The following CCDC170 variants were observed in gnomAD, a reference collection of about 807,000 sequenced individuals.
CCDC170 encodes coiled-coil domain-containing protein 170.
A neutral mutation model predicts 72.6 loss-of-function variants in CCDC170; 69 were observed. The ratio of observed to expected loss-of-function variants is 0.95; its 90% confidence interval spans 0.78 to 1.16. CCDC170 has a LOEUF of 1.16. Among genes scored for constraint, CCDC170 ranks in the 50% most tolerant of loss-of-function variants. The pLI is 0.00. For synonymous variants in CCDC170, 300 were observed against 303.9 expected, an observed-to-expected ratio of 0.99 and a Z score of 0.13; for missense variants, 852 against 832.5, an observed-to-expected ratio of 1.02 and a Z score of -0.29.
At chr6:151,520,230 C>T (rs1362174560) in intron 1 of CCDC170, among the ~76,000 whole-genome samples, 1 of 152,200 alleles carries the variant, frequency 6.6e-6, no homozygotes, top group African/African-American at 2.4e-5. Context: ...TATTCCTTCC[C>T]CTTGTGATAA....
intron 7 of CCDC170, among the ~76,000 whole-genome samples, chr6:151,589,127 T>G (rs1430017642): frequency 6.6e-6 from 1 of 151,922 alleles, no homozygotes; most frequent in Non-Finnish European, 1.5e-5. Flanking sequence ...TGGTGGTGTG[T>G]GCCTGTAATC....
chr6:151,534,213 T>C (rs1176763838), intron 1 of CCDC170, among the ~76,000 whole-genome samples: 1 of 151,792 alleles, frequency 6.6e-6, no homozygotes, highest in Non-Finnish European at 1.5e-5. Flanking sequence ...AACAGGAACA[T>C]GCCACCACGC....
chr6:151,607,859 G>T (rs1776809872), intron 9 of CCDC170, among the ~76,000 whole-genome samples: 1 of 152,130 alleles, frequency 6.6e-6, no homozygotes, highest in African/African-American at 2.4e-5. Context: ...TGAGCTTCCT[G>T]TCTCTGTCTG....
intron 1 of CCDC170, among the ~76,000 whole-genome samples, chr6:151,535,398 G>T (rs1782559496): frequency 6.6e-6 from 1 of 152,140 alleles, no homozygotes; most frequent in East Asian, 1.9e-4. Context: ...CGTCTCACAT[G>T]TTCATTTCAG....
chr6:151,525,335 G>A (rs564230404), intron 1 of CCDC170, among the ~76,000 whole-genome samples: 7 of 152,270 alleles, frequency 4.6e-5, no homozygotes, highest in South Asian at 2.1e-4. Flanking sequence ...TGACCTGCAC[G>A]TATACATCCA....
At chr6:151,576,891 G>A (rs1345271124) in intron 6 of CCDC170, among the ~76,000 whole-genome samples, 2 of 152,256 alleles carry the variant, frequency 1.3e-5, no homozygotes, top group South Asian at 2.1e-4. Context: ...AAGGCTCCAC[G>A]GCGGGTTCAG....
chr6:151,524,894 A>G (rs1782376912), intron 1 of CCDC170, among the ~76,000 whole-genome samples: 1 of 144,652 alleles, frequency 6.9e-6, no homozygotes, highest in Non-Finnish European at 1.5e-5. Flanking sequence ...AGATCTATTT[A>G]TCTCCAAATA....
At chr6:151,521,985 CAAAAAAAAAAAA>C (rs34730093) in intron 1 of CCDC170, among the ~76,000 whole-genome samples, 7 of 78,294 alleles carry the variant, frequency 8.9e-5, no homozygotes, top group Non-Finnish European at 1.3e-4. Context: ...GACTCTGTCT[CAAAAAAAAAAAA>C]AAAAAAAAAA....
intron 5 of CCDC170, among the ~76,000 whole-genome samples, chr6:151,565,279 C>T (rs1776114596): frequency 6.6e-6 from 1 of 152,208 alleles, no homozygotes; most frequent in Non-Finnish European, 1.5e-5. Context: ...CTGCCTAGGA[C>T]TCAGGGTGGT....
intron 5 of CCDC170, among the ~76,000 whole-genome samples, chr6:151,572,842 T>G (rs1776243509): frequency 6.6e-6 from 1 of 151,554 alleles, no homozygotes; most frequent in Admixed American, 6.6e-5. Flanking sequence ...TTAGTAGAGG[T>G]GGGGTTTCAC....
intron 1 of CCDC170, among the ~76,000 whole-genome samples, chr6:151,527,274 T>A (rs1013195631): frequency 1.3e-5 from 2 of 152,032 alleles, no homozygotes; most frequent in Non-Finnish European, 2.9e-5. Context: ...AACAATATGA[T>A]CAGTTTTTTC....
At chr6:151,509,218 C>T (rs199905923) in intron 1 of CCDC170, among the ~76,000 whole-genome samples, 1 of 113,920 alleles carries the variant, frequency 8.8e-6, no homozygotes, top group Admixed American at 8.3e-5. Flanking sequence ...ATCTATCTAT[C>T]TATGTATCTA....
chr6:151,617,605 C>A (rs935788072), intron 10 of CCDC170, among the ~76,000 whole-genome samples: 1 of 151,944 alleles, frequency 6.6e-6, no homozygotes, highest in African/African-American at 2.4e-5. Context: ...AGCCCTTCGA[C>A]GTAGGTGTAT....
rs1436111007 is a variant in CCDC170 at position 151,494,084 on chromosome 6, C to G, written c.-45C>G. The G allele has an allele frequency of 6.8e-7, 1 of 1,471,988 alleles. No homozygotes were observed. The highest frequency in any genetic ancestry group is 8.9e-7 in the Non-Finnish European group (1 of 1,117,484). The allele number at this position is 1,471,988 out of a possible 1,614,324, so 91.2% of individuals were successfully genotyped here. A position where few individuals can be genotyped will look rare whatever the true frequency, so the allele number is the denominator to read the frequency against. On this transcript the variant is annotated 5_prime_UTR_variant, in exon 1 of 11. Coordinates refer to ENST00000239374, the MANE Select transcript of CCDC170 (RefSeq NM_025059.4). The stretch of plus-strand genomic sequence containing the variant: ...CCGGCTCCCGGCGCCGCCGCTTCCT[C>G]AGGGCCGGTTCCGGGTCCGAGCGCG...
chr6:151,513,836 C>T (rs1006403236), intron 1 of CCDC170, among the ~76,000 whole-genome samples: 1 of 146,038 alleles, frequency 6.8e-6, no homozygotes, highest in African/African-American at 2.5e-5. Flanking sequence ...AGGAGAATCG[C>T]TTGAGCCTGG....
In CCDC170 at chr6:151,536,466, G is replaced by T; in HGVS notation, c.186+20G>T. 7 of 1,612,804 alleles carry T rather than the reference G, an allele frequency of 4.3e-6. No individual in the cohort carries two copies. The highest frequency in any genetic ancestry group is 5.9e-6 in the Non-Finnish European group (7 of 1,179,044). ...TCTGAGGTAAGATAATGCATTTCCAGCACTCAGAAATGGGCCTTCTTAGCT... is the reference window on the plus strand; with the variant it reads ...TCTGAGGTAAGATAATGCATTTCCATCACTCAGAAATGGGCCTTCTTAGCT... On this transcript the variant is annotated intron_variant, in intron 2 of 10. Coordinates refer to ENST00000239374, the MANE Select transcript of CCDC170 (RefSeq NM_025059.4).
intron 9 of CCDC170, 89 bp downstream of exon 9, chr6:151,596,666 CAGA>C (rs1776630907): frequency 9.9e-6 from 15 of 1,515,092 alleles, no homozygotes; most frequent in African/African-American, 1.4e-5. Context: ...CGGGACACGC[CAGA>C]AGAAGAAAGA....
intron 6 of CCDC170, among the ~76,000 whole-genome samples, chr6:151,575,334 A>T (rs1169591497): frequency 6.6e-6 from 1 of 150,890 alleles, no homozygotes; most frequent in Non-Finnish European, 1.5e-5. Context: ...CTTTAGTGAT[A>T]GTAAATTCCC....
chr6:151,566,257 T>A (rs1009551016), intron 5 of CCDC170, among the ~76,000 whole-genome samples: 1 of 152,212 alleles, frequency 6.6e-6, no homozygotes, highest in African/African-American at 2.4e-5. Context: ...AACCTAATCC[T>A]CCTTCTACAT....
Sources: gnomAD v4.1 joint callset for allele counts (sites outside exome capture counted in the v4.1 genomes callset) on GRCh38, gnomAD v4.1.1 for gene constraint, MANE v1.5 for transcripts, NCBI Gene and HGNC (gene_info 2026-07-23, HGNC 2026-07-21) for gene names.